NOTCH4: variants seen among roughly 807,000 people sequenced by gnomAD.
NOTCH4 encodes the protein neurogenic locus notch homolog protein 4.
Under a neutral mutation model 189.0 loss-of-function variants are expected in NOTCH4, and 138 were observed. The ratio of observed to expected loss-of-function variants is 0.73; its 90% confidence interval spans 0.64 to 0.84. The LOEUF (loss-of-function observed/expected upper bound fraction) is 0.84, where lower values mean the gene tolerates loss of function less well. NOTCH4 is among the 40% of genes least tolerant of loss of function. The probability of loss-of-function intolerance (pLI) is 0.00; values close to 1 mark genes in which losing one functional copy is unlikely to be tolerated. For missense variants in NOTCH4, 2,286 were observed against 2,605.4 expected, an observed-to-expected ratio of 0.88 and a Z score of 2.67; for synonymous variants, 942 against 1,032.8, an observed-to-expected ratio of 0.91 and a Z score of 1.69.
In NOTCH4 at chr6:32,197,038, G is replaced by A. The variant is rs760777787; in HGVS notation, c.5087C>T (p.Ala1696Val). ...GGGTGTGGTCCCGTCCTCTGTGCGA[G>A]CGTCCACTGCAGTTTGTCTGCTACG... Reference protein sequence around the residue: ...LLRSRQTAVDARTEDGTTPLM... With the variant: ...LLRSRQTAVDVRTEDGTTPLM... The change falls in exon 28 of 30, where the codon GCT becomes GTT. Residue 1696 changes from alanine (A) to valine (V), a missense_variant. Ala to Val is a moderately conservative substitution (Grantham distance 64). Transcript: ENST00000375023. 5 of 1,612,748 alleles carry A rather than the reference G, an allele frequency of 3.1e-6. No homozygotes were observed. In the African/African-American group the frequency reaches 6.7e-5, roughly 22 times the overall value.
Position 32,214,097 on chromosome 6 carries a change from G to A in NOTCH4, c.2167+13C>T. ...ACCAGCACAGGGTGTATATGGTTTAGGGAGGGTCTCACCTGTGTAGCCTGT... is the reference window on the plus strand; with the variant it reads ...ACCAGCACAGGGTGTATATGGTTTAAGGAGGGTCTCACCTGTGTAGCCTGT... On this transcript the variant is annotated intron_variant, in intron 13 of 29. Transcript: ENST00000375023. 6.2e-7 allele frequency: 1 copy of A among 1,603,654 alleles called. No homozygotes were observed. Among genetic ancestry groups the A allele is most frequent in the Non-Finnish European group, 8.5e-7 (1 of 1,175,136 alleles).
chr6:32,219,163 C>T (rs756480634), intron 8 of NOTCH4, among the ~76,000 whole-genome samples: 2 of 152,124 alleles, frequency 1.3e-5, no homozygotes, highest in Non-Finnish European at 2.9e-5. Context: ...CCTGTTGTAT[C>T]ACAGGGCTTT....
chr6:32,197,016 T>C lies in NOTCH4; in HGVS notation c.5109A>G (p.Thr1703=), dbSNP rs1480837636. ...CCAGCCTGGCAGCCAGCATCAAGGG[T>C]GTGGTCCCGTCCTCTGTGCGAGCGT... The part of the protein sequence containing the change: ...AVDARTEDGT[T]PLMLAARLAV... The change falls in exon 28 of 30, where the codon ACA becomes ACG. Residue 1703 remains threonine (T), a synonymous_variant. Coordinates refer to ENST00000375023, the MANE Select transcript of NOTCH4 (RefSeq NM_004557.4). 1 of 1,612,874 alleles carries C rather than the reference T, an allele frequency of 6.2e-7. No individual in the cohort carries two copies. The highest frequency in any genetic ancestry group is 1.1e-5 in the South Asian group (1 of 91,078).
rs565456250 is a variant in NOTCH4 at position 32,200,835 on chromosome 6, C to T, written c.4311G>A (p.Gly1437=). 1.2e-5 allele frequency: 19 copies of T among 1,600,844 alleles called. No homozygotes were observed. The East Asian group carries it at 3.6e-4, about 30-fold the overall frequency. The part of the protein sequence containing the change: ...GPLLAVHPHA[G]TAPPANQLPW... ...AAGTGGCAAGGGGTCACCTACCGGT[C>T]CCTGCATGAGGGTGGACAGCCAGCA... The change falls in exon 23 of 30, where the codon GGG becomes GGA. Residue 1437 remains glycine, a synonymous_variant. Coordinates refer to ENST00000375023, the MANE Select transcript of NOTCH4 (RefSeq NM_004557.4). The surrounding 1 kb of genome is among the most constrained non-coding windows in gnomAD (Gnocchi z 5.0).
intron 18 of NOTCH4, among the ~76,000 whole-genome samples, chr6:32,207,767 A>G (rs1788780546): frequency 6.6e-6 from 1 of 151,894 alleles, no homozygotes; most frequent in African/African-American, 2.4e-5. Flanking sequence ...GGTGGGTCAC[A>G]CCTGTAATCC....
Position 32,215,388 on chromosome 6 carries a change from G to A in NOTCH4, c.1862-3C>T, listed in dbSNP as rs1291207326. On this transcript the variant is annotated splice_polypyrimidine_tract_variant and splice_region_variant and intron_variant, in intron 11 of 29. Transcript: ENST00000375023. ...CAGGGGAACCTCACAGAGCTGGCCT[G>A]GGGTGGGAAGATGGGTCAAAAAGAA... The A allele has an allele frequency of 6.2e-7, 1 of 1,602,790 alleles. No individual in the cohort carries two copies. The highest frequency in any genetic ancestry group is 8.5e-7 in the Non-Finnish European group (1 of 1,176,524).
chr6:32,209,814 C>G (rs566199427), intron 18 of NOTCH4, among the ~76,000 whole-genome samples: 3 of 148,788 alleles, frequency 2.0e-5, no homozygotes, highest in African/African-American at 7.4e-5. Context: ...ACCTGGGAGG[C>G]GGGGGTTTCA....
chr6:32,218,468 G>C (rs438475), intron 8 of NOTCH4, among the ~76,000 whole-genome samples: 1 of 151,994 alleles, frequency 6.6e-6, no homozygotes, highest in Non-Finnish European at 1.5e-5. Context: ...AATGAGTCCC[G>C]CTTCTTGTTC....
chr6:32,194,920 C>T lies in NOTCH4; in HGVS notation c.*517G>A, dbSNP rs144441716. On this transcript the variant is annotated 3_prime_UTR_variant, in exon 30 of 30. Coordinates refer to ENST00000375023, the MANE Select transcript of NOTCH4 (RefSeq NM_004557.4). The surrounding 1 kb of genome is among the most constrained non-coding windows in gnomAD (Gnocchi z 4.5). ...GCGATAGCAGTGGCTAGAAGAAGCG[C>T]TTCATCCCCACAGTGGAGTTCTTTG... 210 of 234,730 alleles carry T rather than the reference C, an allele frequency of 8.9e-4. 1 individual carries two copies. Among genetic ancestry groups the T allele is most frequent in the African/African-American group, 4.4e-3 (199 of 45,526 alleles). The allele number at this position is 234,730 out of a possible 1,614,324, so 14.5% of individuals were successfully genotyped here.
Position 32,196,005 on chromosome 6 carries a change from A to G in NOTCH4, c.5444T>C (p.Leu1815Pro), listed in dbSNP as rs1032794684. 16 of 1,599,534 alleles carry G rather than the reference A, an allele frequency of 1.0e-5. No homozygotes were observed. Among genetic ancestry groups the G allele is most frequent in the African/African-American group, 1.3e-5 (1 of 74,902 alleles). Reference protein sequence around the residue: ...DVAHQRNHWDLLTLLEGAGPP... With the variant: ...DVAHQRNHWDPLTLLEGAGPP... Reference sequence around the variant, plus strand: ...CCCAGCCCCTTCCAGCAGCGTCAGCAGATCCCAGTGGTTACGTTGGTGAGC... The same window carrying G: ...CCCAGCCCCTTCCAGCAGCGTCAGCGGATCCCAGTGGTTACGTTGGTGAGC... Residue 1815 changes from leucine (L) to proline (P), a missense_variant, in exon 30 of 30, where the codon CTG becomes CCG. Around this residue, in one of 2 missense-constraint regions of NOTCH4, gnomAD observed 383 missense variants for 343.5 expected, o/e 1.11. Transcript: ENST00000375023.
At chr6:32,196,754 G>A (rs1009325407) in intron 28 of NOTCH4, among the ~76,000 whole-genome samples, 171 bp downstream of exon 28, 1 of 149,966 alleles carries the variant, frequency 6.7e-6, no homozygotes, top group African/African-American at 2.4e-5. Flanking sequence ...TTGAGGGTGG[G>A]AGTTGGGGGG....
intron 18 of NOTCH4, among the ~76,000 whole-genome samples, chr6:32,207,987 G>T: frequency 7.1e-6 from 1 of 139,886 alleles, no homozygotes; most frequent in African/African-American, 2.7e-5. Flanking sequence ...CCAGGCGACG[G>T]TGCAAGACTC....
At position 32,221,719 on chromosome 6, in the gene NOTCH4, C is replaced by T. The variant is rs1303272318; in HGVS notation, c.452-394G>A. ...GCCTTTCTGATCCTCATTTCCTAAT[C>T]TTTAAGTGGGTTTAGGCACCTGGAG... is the stretch of plus-strand genomic sequence containing the variant. On this transcript the variant is annotated intron_variant, in intron 3 of 29. Transcript: ENST00000375023. This position sits in a 1 kb window ranked among gnomAD's most constrained non-coding sequence, Gnocchi z 4.3. Among the ~76,000 whole-genome samples the T allele has an allele frequency of 6.6e-6, 1 of 152,144 alleles. No individual in the cohort carries two copies. The highest frequency in any genetic ancestry group is 1.5e-5 in the Non-Finnish European group (1 of 68,034).
At position 32,221,030 on chromosome 6, in the gene NOTCH4, G is replaced by A; in HGVS notation, c.747C>T (p.Cys249=). The A allele has an allele frequency of 6.2e-7, 1 of 1,609,912 alleles. No individual in the cohort carries two copies. Among genetic ancestry groups the A allele is most frequent in the Non-Finnish European group, 8.5e-7 (1 of 1,177,286 alleles). Residue 249 remains cysteine, a synonymous_variant, in exon 4 of 30, where the codon TGC becomes TGT. Coordinates refer to ENST00000375023, the MANE Select transcript of NOTCH4 (RefSeq NM_004557.4). The surrounding 1 kb of genome is among the most constrained non-coding windows in gnomAD (Gnocchi z 4.3). Reference sequence around the variant, plus strand: ...TGGAGTCTTTCTCTGGCATCAGCTGGCAGGTGCCCCCATTCGAACAGCCCC... The same window carrying A: ...TGGAGTCTTTCTCTGGCATCAGCTGACAGGTGCCCCCATTCGAACAGCCCC... ...PPRGCSNGGT[C]QLMPEKDSTF...
rs1385482082 is a variant in NOTCH4, at chr6:32,195,089, G to A, written c.*348C>T. The A allele has an allele frequency of 3.2e-6, 1 of 308,110 alleles. No homozygotes were observed. Among genetic ancestry groups the A allele is most frequent in the Non-Finnish European group, 6.0e-6 (1 of 165,640 alleles). 19.1% of individuals were successfully genotyped at this position (308,110 alleles called of 1,614,324 possible). ...GGCAGTGGGGACAATGGATCATAGG[G>A]GCACCCTTTGGAAACCATATATAGG... On this transcript the variant is annotated 3_prime_UTR_variant, in exon 30 of 30. Transcript: ENST00000375023. The surrounding 1 kb of genome is among the most constrained non-coding windows in gnomAD (Gnocchi z 5.4).
In NOTCH4 at chr6:32,215,263, C is replaced by T. The variant is rs904579925; in HGVS notation, c.1984G>A (p.Glu662Lys). The T allele has an allele frequency of 1.9e-6, 3 of 1,605,178 alleles. No homozygotes were observed. The highest frequency in any genetic ancestry group is 4.5e-5 in the East Asian group (2 of 44,694). The change falls in exon 12 of 30, where the codon GAG becomes AAG. Residue 662 changes from glutamate (E) to lysine (K), a missense_variant. Around this residue, in one of 2 missense-constraint regions of NOTCH4, gnomAD observed 1,903 missense variants for 2,261.9 expected, o/e 0.84. Transcript: ENST00000375023. ...CCGTGGTGGCAGGTGCAGTTGTCCT[C>T]AGGTGGGGCACAGCCAGGGCTTCCA... is the stretch of plus-strand genomic sequence containing the variant. ...PDGSPGCAPP[E>K]DNCTCHHGHC... is the part of the protein sequence containing the mutation.
At chr6:32,204,082 T>C in intron 19 of NOTCH4, 55 bp downstream of exon 19, 2 of 1,597,642 alleles carry the variant, frequency 1.3e-6, no homozygotes, top group East Asian at 2.2e-5. Flanking sequence ...TGGCTCTCCA[T>C]GGTCTGCTTG....
chr6:32,221,281 C>T lies in NOTCH4; in HGVS notation c.496G>A (p.Val166Ile). The T allele has an allele frequency of 1.9e-6, 3 of 1,613,008 alleles. No homozygotes were observed. The highest frequency in any genetic ancestry group is 2.5e-6 in the Non-Finnish European group (3 of 1,179,978). Reference sequence around the variant, plus strand: ...GTGGCCAGACACACCCCTCCATTAACACATGGGTTGGCTGAACAGAAGTCC... The same window carrying T: ...GTGGCCAGACACACCCCTCCATTAATACATGGGTTGGCTGAACAGAAGTCC... Reference protein sequence around the residue: ...LRDFCSANPCVNGGVCLATYP... With the variant: ...LRDFCSANPCINGGVCLATYP... Residue 166 changes from valine (V) to isoleucine (I), a missense_variant, in exon 4 of 30, where the codon GTT becomes ATT. Transcript: ENST00000375023. The surrounding 1 kb of genome is among the most constrained non-coding windows in gnomAD (Gnocchi z 4.3).
intron 12 of NOTCH4, 37 bp downstream of exon 12, chr6:32,215,189 A>T: frequency 2.0e-6 from 3 of 1,536,004 alleles, no homozygotes; most frequent in Non-Finnish European, 2.6e-6. Context: ...GGGAGCCCAA[A>T]GGAGGGGGCA....
Sources: allele counts gnomAD v4.1 joint callset (sites outside exome capture counted in the v4.1 genomes callset), GRCh38; gene constraint gnomAD v4.1.1; regional missense constraint gnomAD v4.1.1; non-coding constraint Gnocchi (gnomAD v3.1); transcripts MANE v1.5; gene names NCBI Gene and HGNC (gene_info 2026-07-23, HGNC 2026-07-21).